The following SACM1L variants were observed in gnomAD, a reference collection of about 807,000 sequenced individuals.
The protein encoded by SACM1L is phosphatidylinositol-3-phosphatase SAC1.
Under a neutral mutation model 89.5 loss-of-function variants are expected in SACM1L, and 32 were observed. That is an observed-to-expected ratio of 0.36 (90% confidence interval 0.27 to 0.48). The LOEUF (loss-of-function observed/expected upper bound fraction) is 0.48. SACM1L is among the 20% of genes least tolerant of loss of function. The pLI, the probability that SACM1L is intolerant of heterozygous loss-of-function variation, is 0.99. For synonymous variants in SACM1L, 213 were observed against 232.8 expected (o/e 0.92, Z 0.77); for missense variants, 543 against 708.5 (o/e 0.77, Z 2.65).
At chr3:45,718,157 G>GTA (rs1483742617) in intron 7 of SACM1L, among the ~76,000 whole-genome samples, 2 of 152,202 alleles carry the variant, frequency 1.3e-5, no homozygotes, top group Admixed American at 1.3e-4. Flanking sequence ...TCCATGGACA[G>GTA]TAGAATGGAT....
At chr3:45,698,964 C>T (rs997072224) in intron 1 of SACM1L, among the ~76,000 whole-genome samples, 13 of 151,980 alleles carry the variant, frequency 8.6e-5, no homozygotes, top group Admixed American at 3.9e-4. Context: ...TTAGTAGAGA[C>T]GGGTTTCACC....
At chr3:45,706,979 G>C in intron 4 of SACM1L, 72 bp downstream of exon 4, 287 of 1,376,508 alleles carry the variant, frequency 2.1e-4, no homozygotes, top group Middle Eastern at 5.4e-4. Flanking sequence ...GAGGGTGAGG[G>C]TGTTGTGGAA....
At chr3:45,713,914 T>C (rs1698580755) in intron 6 of SACM1L, 132 bp from the exon 7 acceptor site, 1 of 400,200 alleles carries the variant, frequency 2.5e-6, no homozygotes, top group Admixed American at 4.4e-5. Context: ...GAGAAATCTT[T>C]TAAAAATTAT....
chr3:45,728,061 A>G (rs973607815), intron 11 of SACM1L, among the ~76,000 whole-genome samples: 6 of 152,300 alleles, frequency 3.9e-5, no homozygotes, highest in South Asian at 4.1e-4. Context: ...TTTTGTAACA[A>G]TGTTTCACTT....
intron 4 of SACM1L, among the ~76,000 whole-genome samples, chr3:45,708,554 T>C (rs1484706702): frequency 6.6e-6 from 1 of 152,036 alleles, no homozygotes; most frequent in Non-Finnish European, 1.5e-5. Context: ...GATATGCTTT[T>C]TATACTTTAG....
At chr3:45,739,788 G>A in intron 19 of SACM1L, 144 bp downstream of exon 19, 1 of 748,544 alleles carries the variant, frequency 1.3e-6, no homozygotes, top group Admixed American at 2.4e-5. Flanking sequence ...ATTGTCATTA[G>A]ATGTGACAGG....
intron 1 of SACM1L, among the ~76,000 whole-genome samples, chr3:45,698,628 G>A (rs1302061453): frequency 2.6e-5 from 4 of 152,162 alleles, no homozygotes; most frequent in Non-Finnish European, 5.9e-5. Flanking sequence ...TCTGCTCACT[G>A]CAACCTCCGC....
At chr3:45,716,685 T>C (rs1197891272) in intron 7 of SACM1L, among the ~76,000 whole-genome samples, 2 of 151,932 alleles carry the variant, frequency 1.3e-5, no homozygotes, top group East Asian at 3.9e-4. Flanking sequence ...CAGCACCATA[T>C]AAAGTGTCAT....
chr3:45,735,533 G>A (rs576826210), intron 14 of SACM1L, among the ~76,000 whole-genome samples, 160 bp downstream of exon 14: 52 of 152,134 alleles, frequency 3.4e-4, no homozygotes, highest in African/African-American at 1.3e-3. Flanking sequence ...CATAACTAGG[G>A]TCAGTCTGTG....
intron 11 of SACM1L, among the ~76,000 whole-genome samples, chr3:45,726,511 A>G (rs1698920986): frequency 6.6e-6 from 1 of 152,080 alleles, no homozygotes; most frequent in South Asian, 2.1e-4. Flanking sequence ...AGTTGTTCAT[A>G]GTATTCTCTT....
chr3:45,735,810 A>G (rs1450521236), intron 14 of SACM1L, among the ~76,000 whole-genome samples: 1 of 152,244 alleles, frequency 6.6e-6, no homozygotes, highest in African/African-American at 2.4e-5. Context: ...ACTGACACCA[A>G]TAATGAATCA....
At chr3:45,721,436 C>T (rs898997143) in intron 8 of SACM1L, among the ~76,000 whole-genome samples, 1 of 152,190 alleles carries the variant, frequency 6.6e-6, no homozygotes, top group Non-Finnish European at 1.5e-5. Flanking sequence ...GCAGGAGAAT[C>T]GCTTGAACCC....
chr3:45,713,431 C>A, intron 6 of SACM1L: 1 of 335,124 alleles, frequency 3.0e-6, no homozygotes, highest in Non-Finnish European at 5.4e-6. Context: ...ATTGCTTTGT[C>A]TAACTAAGAG....
intron 7 of SACM1L, 47 bp downstream of exon 7, chr3:45,714,126 A>G (rs1282135650): frequency 8.1e-7 from 1 of 1,241,552 alleles, no homozygotes; most frequent in Non-Finnish European, 1.1e-6. Context: ...GCCTTTATTT[A>G]AATTTTATTA....
At chr3:45,725,137 TCTC>T (rs1474528477) in intron 11 of SACM1L, among the ~76,000 whole-genome samples, 1 of 152,164 alleles carries the variant, frequency 6.6e-6, no homozygotes, top group Non-Finnish European at 1.5e-5. Flanking sequence ...CCAACTTCCT[TCTC>T]CTTTTGCAAG....
In SACM1L at chr3:45,703,522, G is replaced by A; in HGVS notation, c.117G>A (p.Glu39=). The change falls in exon 2 of 20, where the codon GAG becomes GAA. Residue 39 remains glutamate, a synonymous_variant. Coordinates refer to ENST00000389061, the MANE Select transcript of SACM1L (RefSeq NM_014016.5). Reference sequence around the variant, plus strand: ...TTACCATTGACCGTGTGTCCACAGAGGTTACCCTTGCAGGTATTTTACAGC... The same window carrying A: ...TTACCATTGACCGTGTGTCCACAGAAGTTACCCTTGCAGGTATTTTACAGC... ...DVLTIDRVST[E]VTLAVKKDVP... The A allele has an allele frequency of 1.9e-6, 3 of 1,609,862 alleles. No homozygotes were observed. The highest frequency in any genetic ancestry group is 2.5e-6 in the Non-Finnish European group (3 of 1,176,536).
chr3:45,706,977 G>A (rs576092127), intron 4 of SACM1L, 70 bp downstream of exon 4: 2 of 1,460,144 alleles, frequency 1.4e-6, no homozygotes, highest in African/African-American at 1.4e-5. Context: ...AGGAGGGTGA[G>A]GGTGTTGTGG....
At position 45,722,092 on chromosome 3, in the gene SACM1L, T is replaced by TGTTATGTC; in HGVS notation, c.765+8_765+15dup. The TGTTATGTC allele has an allele frequency of 6.4e-7, 1 of 1,570,894 alleles. No individual in the cohort carries two copies. Among genetic ancestry groups the TGTTATGTC allele is most frequent in the Non-Finnish European group, 8.7e-7 (1 of 1,144,552 alleles). The stretch of plus-strand genomic sequence containing the variant: ...CAAAGCTTCGTTTGTACAGGCAAGT[T>TGTTATGTC]GTTATGTCTGTTAGGCAGTCAGCGA... On this transcript the variant is annotated splice_region_variant and intron_variant, in intron 9 of 19. Transcript: ENST00000389061.
chr3:45,690,827 G>A (rs905898508), intron 1 of SACM1L, among the ~76,000 whole-genome samples: 1 of 152,178 alleles, frequency 6.6e-6, no homozygotes, highest in Non-Finnish European at 1.5e-5. Flanking sequence ...CTGCGTTTCT[G>A]GCCAGGCCAC....
Sources: allele counts gnomAD v4.1 joint callset (sites outside exome capture counted in the v4.1 genomes callset), GRCh38; gene constraint gnomAD v4.1.1; transcripts MANE v1.5; gene names NCBI Gene and HGNC (gene_info 2026-07-23, HGNC 2026-07-21).